The following LMAN2L variants were observed in gnomAD, a reference collection of about 807,000 sequenced individuals.
LMAN2L encodes VIP36-like protein.
A neutral mutation model predicts 44.3 loss-of-function variants in LMAN2L; 30 were observed. The ratio of observed to expected loss-of-function variants is 0.68; its 90% CI spans 0.51 to 0.92. The LOEUF is 0.92. Ranked by LOEUF, LMAN2L falls within the 40% of genes least tolerant of loss-of-function variation. The probability of loss-of-function intolerance (pLI) is 0.00; values close to 1 mark genes in which losing one functional copy is unlikely to be tolerated. For synonymous variants in LMAN2L, 183 were observed against 171.1 expected (o/e 1.07, Z -0.54); for missense variants, 429 against 446.1 (o/e 0.96, Z 0.35).
At chr2:96,730,513 C>G (rs138612517) in intron 4 of LMAN2L, among the ~76,000 whole-genome samples, 3 of 152,166 alleles carry the variant, frequency 2.0e-5, no homozygotes, top group Admixed American at 2.0e-4. Flanking sequence ...TCAGTCTCAG[C>G]GGCTAGTTAA....
At chr2:96,734,072 T>C (rs2078461941) in intron 3 of LMAN2L, among the ~76,000 whole-genome samples, 1 of 152,226 alleles carries the variant, frequency 6.6e-6, no homozygotes, top group Non-Finnish European at 1.5e-5. Context: ...GACTCAGCAG[T>C]GCTGAGATCA....
At chr2:96,713,117 G>T in intron 4 of LMAN2L, 2 of 1,551,358 alleles carry the variant, frequency 1.3e-6, no homozygotes, top group Non-Finnish European at 1.7e-6. Context: ...CTGGACTCCT[G>T]GAGAATATCG....
intron 4 of LMAN2L, among the ~76,000 whole-genome samples, chr2:96,730,323 C>T (rs1473566491): frequency 1.3e-5 from 2 of 152,116 alleles, no homozygotes; most frequent in African/African-American, 4.8e-5. Flanking sequence ...ATGATCCTCT[C>T]TTCAATAAAA....
intron 4 of LMAN2L, among the ~76,000 whole-genome samples, chr2:96,716,454 T>C (rs2078042294): frequency 6.6e-6 from 1 of 152,228 alleles, no homozygotes; most frequent in African/African-American, 2.4e-5. Context: ...TCTCAAACCA[T>C]ACCATTGTCT....
At chr2:96,728,329 T>C (rs915511083) in intron 4 of LMAN2L, among the ~76,000 whole-genome samples, 1 of 151,734 alleles carries the variant, frequency 6.6e-6, no homozygotes, top group Non-Finnish European at 1.5e-5. Context: ...AAAACCCGTC[T>C]CTACTAAAAA....
At chr2:96,734,608 G>A (rs1172348446) in intron 2 of LMAN2L, 82 bp from the exon 3 acceptor site, 6 of 874,482 alleles carry the variant, frequency 6.9e-6, no homozygotes, top group African/African-American at 1.6e-5. Context: ...CAACAGACTT[G>A]GAAAACACAA....
chr2:96,711,655 C>A lies in LMAN2L; in HGVS notation c.784+1G>T. ...CAAACCAAGAGTGCGCGTGGCAGTA[C>A]CTGAGAGATCCCCAGTGATGGAGGA... On this transcript the variant is annotated splice_donor_variant, in intron 6 of 7. Coordinates refer to ENST00000264963, the MANE Select transcript of LMAN2L (RefSeq NM_030805.4). LOFTEE classifies it high-confidence loss of function. 15 of 1,608,048 alleles carry A rather than the reference C, an allele frequency of 9.3e-6. No homozygotes were observed. The highest frequency in any genetic ancestry group is 1.2e-5 in the Non-Finnish European group (14 of 1,175,208).
intron 6 of LMAN2L, among the ~76,000 whole-genome samples, chr2:96,708,134 C>T (rs1482015820): frequency 6.6e-6 from 1 of 152,238 alleles, no homozygotes; most frequent in East Asian, 1.9e-4. Flanking sequence ...CTGCGCTTAG[C>T]AGAAACCATA....
chr2:96,724,707 C>T (rs1215720282), intron 4 of LMAN2L, among the ~76,000 whole-genome samples: 27 of 152,132 alleles, frequency 1.8e-4, no homozygotes, highest in Admixed American at 1.8e-3. Flanking sequence ...AGTGAAGTGG[C>T]GCAATCTCAG....
At chr2:96,715,218 T>G (rs1273592550) in intron 4 of LMAN2L, among the ~76,000 whole-genome samples, 1 of 152,218 alleles carries the variant, frequency 6.6e-6, no homozygotes, top group Non-Finnish European at 1.5e-5. Flanking sequence ...ATTACAGGCG[T>G]GAGCCACCGC....
rs372159071 is a variant in LMAN2L, at chr2:96,710,492, C to G, written c.784+1164G>C. Among the ~76,000 whole-genome samples the G allele has an allele frequency of 1.6e-4, 25 of 152,182 alleles. 2 individuals are homozygous for G. The highest frequency in any genetic ancestry group is 6.5e-4 in the Admixed American group (10 of 15,278). On this transcript the variant is annotated intron_variant, in intron 6 of 7. Coordinates refer to ENST00000264963, the MANE Select transcript of LMAN2L (RefSeq NM_030805.4). ...ACCATCCTGGCCAACATGGTGAAACCCCGTTTCTACTAAAAATACAAAAAT... is the reference window on the plus strand; with the variant it reads ...ACCATCCTGGCCAACATGGTGAAACGCCGTTTCTACTAAAAATACAAAAAT...
At position 96,707,766 on chromosome 2, in the gene LMAN2L, C is replaced by T. The variant is rs776486189; in HGVS notation, c.852G>A (p.Lys284=). Residue 284 remains lysine, a synonymous_variant, in exon 7 of 8, where the codon AAG becomes AAA. Coordinates refer to ENST00000264963, the MANE Select transcript of LMAN2L (RefSeq NM_030805.4). The part of the protein sequence containing the change: ...LTVERTPEEE[K]LHRDVFLPSV... ...AGGGCAAGAACACATCTCGATGGAG[C>T]TTTTCCTCTTCTGGGGTTCTCTCCA... The T allele has an allele frequency of 6.2e-7, 1 of 1,614,112 alleles. No individual in the cohort carries two copies. Among genetic ancestry groups the T allele is most frequent in the Non-Finnish European group, 8.5e-7 (1 of 1,179,968 alleles).
Position 96,707,142 on chromosome 2 carries a change from T to A in LMAN2L, c.*114A>T. ...TCAAAACTCCAGTGACAGAATATAGTCCCCAACCAGCTGCTAGAGACAAGA... is the reference window on the plus strand; with the variant it reads ...TCAAAACTCCAGTGACAGAATATAGACCCCAACCAGCTGCTAGAGACAAGA... On this transcript the variant is annotated 3_prime_UTR_variant, in exon 8 of 8. Transcript: ENST00000264963. 9.9e-7 allele frequency: 1 copy of A among 1,012,402 alleles called. No individual in the cohort carries two copies. Among genetic ancestry groups the A allele is most frequent in the Non-Finnish European group, 1.4e-6 (1 of 690,488 alleles). 62.7% of individuals were successfully genotyped at this position (1,012,402 alleles called of 1,614,324 possible). A position where few individuals can be genotyped will look rare whatever the true frequency, so the allele number is the denominator to read the frequency against.
At chr2:96,723,461 T>C (rs1273515609) in intron 4 of LMAN2L, among the ~76,000 whole-genome samples, 4 of 152,244 alleles carry the variant, frequency 2.6e-5, no homozygotes, top group African/African-American at 9.6e-5. Context: ...GCATATATCT[T>C]TTCCCATTCT....
chr2:96,718,114 C>T (rs2078078806), intron 4 of LMAN2L, among the ~76,000 whole-genome samples: 1 of 152,060 alleles, frequency 6.6e-6, no homozygotes, highest in African/African-American at 2.4e-5. Context: ...TGCCACCAAG[C>T]CCGGCTAATT....
intron 4 of LMAN2L, among the ~76,000 whole-genome samples, chr2:96,725,122 C>T (rs955060251): frequency 6.6e-6 from 1 of 152,012 alleles, no homozygotes; most frequent in Non-Finnish European, 1.5e-5. Context: ...TGAGCCACAG[C>T]GCCCGGCCTA....
chr2:96,726,199 A>G (rs1488844703), intron 4 of LMAN2L, among the ~76,000 whole-genome samples: 2 of 151,570 alleles, frequency 1.3e-5, no homozygotes, highest in South Asian at 2.1e-4. Flanking sequence ...ATATTTTATA[A>G]TATTTTTGCA....
chr2:96,711,401 G>A (rs2077912823), intron 6 of LMAN2L, among the ~76,000 whole-genome samples: 1 of 152,270 alleles, frequency 6.6e-6, no homozygotes, highest in Non-Finnish European at 1.5e-5. Flanking sequence ...ATACAGGCTA[G>A]AAGAGCCAGC....
intron 4 of LMAN2L, among the ~76,000 whole-genome samples, chr2:96,713,556 C>G (rs922650251): frequency 6.6e-6 from 1 of 152,186 alleles, no homozygotes; most frequent in African/African-American, 2.4e-5. Context: ...TACTGTATTT[C>G]TATAGCAAGG....
Sources: allele counts gnomAD v4.1 joint callset (sites outside exome capture counted in the v4.1 genomes callset), GRCh38; gene constraint gnomAD v4.1.1; transcripts MANE v1.5; gene names NCBI Gene and HGNC (gene_info 2026-07-23, HGNC 2026-07-21).